The following OTUD7A variants were observed in gnomAD, a reference collection of about 807,000 sequenced individuals.
The protein encoded by OTUD7A is OTU domain-containing protein 7A.
In OTUD7A, 12 loss-of-function variants were observed where a neutral mutation model predicts 65.7. That is an observed-to-expected ratio of 0.18 (90% confidence interval 0.12 to 0.30). The LOEUF is 0.30. OTUD7A is among the 10% of genes least tolerant of loss of function. OTUD7A has a pLI of 1.00. For missense variants in OTUD7A, 1,148 were observed against 1,304.8 expected (o/e 0.88, Z 1.85); for synonymous variants, 641 against 586.3 (o/e 1.09, Z -1.35).
intron 3 of OTUD7A, among the ~76,000 whole-genome samples, chr15:31,626,951 T>TA (rs35751275): frequency 0.23 from 33,981 of 147,040 alleles, 4,127 homozygotes; most frequent in African/African-American, 0.29. Context: ...ACTTTATTGT[T>TA]AAAAAAAAAA....
intron 1 of OTUD7A, among the ~76,000 whole-genome samples, chr15:31,779,550 A>C (rs1895481105): frequency 6.6e-6 from 1 of 152,232 alleles, no homozygotes; most frequent in African/African-American, 2.4e-5. Flanking sequence ...GACGGTAAAG[A>C]AGCAGGTAGA....
intron 1 of OTUD7A, among the ~76,000 whole-genome samples, chr15:31,837,438 C>T (rs973802264): frequency 6.7e-6 from 1 of 150,240 alleles, no homozygotes; most frequent in Non-Finnish European, 1.5e-5. Flanking sequence ...CCCAGCTACT[C>T]AGGAGGCTGA....
chr15:31,622,123 C>T lies in OTUD7A; in HGVS notation c.151+32973G>A, dbSNP rs560798506. 2.5e-4 allele frequency among the ~76,000 whole-genome samples: 38 copies of T among 152,236 alleles called. No homozygotes were observed. The South Asian group carries it at 6.9e-3, about 27-fold the overall frequency. ...CTCTTCTGGCTTGTGGAGTTTCTGC[C>T]GAGAGATCAGCTGTTAGTCTGATGG... is the stretch of plus-strand genomic sequence containing the variant. On this transcript the variant is annotated intron_variant, in intron 3 of 12. Coordinates refer to ENST00000307050, the MANE Select transcript of OTUD7A (RefSeq NM_001382637.1).
At chr15:31,660,467 G>A (rs1048912059) in intron 1 of OTUD7A, among the ~76,000 whole-genome samples, 3 of 152,316 alleles carry the variant, frequency 2.0e-5, no homozygotes, top group Non-Finnish European at 2.9e-5. Context: ...CTTTCAGTGC[G>A]GGGGCATGAG....
At chr15:31,499,688 T>C (rs1481709389) in intron 10 of OTUD7A, among the ~76,000 whole-genome samples, 3 of 152,212 alleles carry the variant, frequency 2.0e-5, no homozygotes, top group African/African-American at 4.8e-5. Flanking sequence ...GGGGACCTTA[T>C]GGGTGAATGT....
At chr15:31,694,350 C>T (rs1893025654) in intron 1 of OTUD7A, among the ~76,000 whole-genome samples, 1 of 152,192 alleles carries the variant, frequency 6.6e-6, no homozygotes, top group Non-Finnish European at 1.5e-5. Flanking sequence ...TCATTCAGTT[C>T]TCCCTCTCCC....
chr15:31,651,692 A>T (rs1177441747), intron 3 of OTUD7A, among the ~76,000 whole-genome samples: 1 of 152,176 alleles, frequency 6.6e-6, no homozygotes, highest in East Asian at 1.9e-4. Flanking sequence ...AAAATCAGTT[A>T]TATTTCTGTA....
intron 1 of OTUD7A, among the ~76,000 whole-genome samples, chr15:31,812,172 G>A (rs969746814): frequency 2.0e-5 from 3 of 152,112 alleles, no homozygotes; most frequent in Admixed American, 6.5e-5. Context: ...GCATCACATG[G>A]GCCTCATCTC....
At chr15:31,688,072 T>TG (rs1279934979) in intron 1 of OTUD7A, among the ~76,000 whole-genome samples, 3 of 151,958 alleles carry the variant, frequency 2.0e-5, no homozygotes, top group East Asian at 3.9e-4. Context: ...AAAAATTAGC[T>TG]GGGCGTGGTG....
At chr15:31,531,588 G>C (rs557387305) in intron 5 of OTUD7A, among the ~76,000 whole-genome samples, 1 of 150,066 alleles carries the variant, frequency 6.7e-6, no homozygotes, top group Admixed American at 6.6e-5. Flanking sequence ...TACCAGGAAA[G>C]GGGTAGCTTA....
intron 3 of OTUD7A, among the ~76,000 whole-genome samples, chr15:31,629,434 GGA>G (rs1485221191): frequency 6.6e-6 from 1 of 152,164 alleles, no homozygotes; most frequent in Non-Finnish European, 1.5e-5. Flanking sequence ...TGCATCCCAG[GGA>G]TGAAGCCCAC....
chr15:31,508,373 G>C (rs1370767717), intron 8 of OTUD7A, among the ~76,000 whole-genome samples: 3 of 147,532 alleles, frequency 2.0e-5, no homozygotes, highest in Non-Finnish European at 4.5e-5. Flanking sequence ...TTTTGAGACG[G>C]AGTCTTGCTC....
intron 10 of OTUD7A, among the ~76,000 whole-genome samples, chr15:31,499,215 A>G (rs917946343): frequency 6.6e-6 from 1 of 152,194 alleles, no homozygotes; most frequent in South Asian, 2.1e-4. Flanking sequence ...CTCTCAAAGC[A>G]TCGTTCCGCA....
Position 31,499,910 on chromosome 15 carries a change from C to T in OTUD7A, c.1171+1780G>A, listed in dbSNP as rs2041441807. Among the ~76,000 whole-genome samples the T allele has an allele frequency of 2.6e-5, 4 of 152,230 alleles. No homozygotes were observed. In the South Asian group the frequency reaches 8.3e-4, roughly 31 times the overall value. On this transcript the variant is annotated intron_variant, in intron 10 of 12. Coordinates refer to ENST00000307050, the MANE Select transcript of OTUD7A (RefSeq NM_001382637.1). ...GGCCCTCCTGAAAGGTCCCAAGCCA[C>T]AGCGCCCTCCATGGGCATCCTTTGA...
chr15:31,609,485 G>A (rs1178468048), intron 3 of OTUD7A, among the ~76,000 whole-genome samples: 1 of 152,110 alleles, frequency 6.6e-6, no homozygotes, highest in Non-Finnish European at 1.5e-5. Flanking sequence ...ACTCAGCAGA[G>A]GCAGCCATAA....
At chr15:31,616,277 G>A (rs1398570079) in intron 3 of OTUD7A, among the ~76,000 whole-genome samples, 1 of 152,186 alleles carries the variant, frequency 6.6e-6, no homozygotes, top group Non-Finnish European at 1.5e-5. Context: ...CTGGCCTGTC[G>A]CATCCTTACT....
intron 2 of OTUD7A, among the ~76,000 whole-genome samples, chr15:31,655,658 C>A (rs1467920253): frequency 1.3e-5 from 2 of 152,164 alleles, no homozygotes; most frequent in African/African-American, 4.8e-5. Context: ...GTGTGGAATA[C>A]ATTTCTGTTG....
At chr15:31,802,089 ATG>A (rs1567030951) in intron 1 of OTUD7A, among the ~76,000 whole-genome samples, 1 of 121,912 alleles carries the variant, frequency 8.2e-6, no homozygotes, top group East Asian at 2.5e-4. Flanking sequence ...TGGAATATAT[ATG>A]TGTGTGTATA....
intron 3 of OTUD7A, among the ~76,000 whole-genome samples, chr15:31,580,394 T>C (rs1566929269): frequency 6.6e-6 from 1 of 152,202 alleles, no homozygotes; most frequent in Non-Finnish European, 1.5e-5. Context: ...TTGATGAGAT[T>C]TTTAATTTAG....
Sources: allele counts gnomAD v4.1 joint callset (sites outside exome capture counted in the v4.1 genomes callset), GRCh38; gene constraint gnomAD v4.1.1; transcripts MANE v1.5; gene names NCBI Gene and HGNC (gene_info 2026-07-23, HGNC 2026-07-21).